Variants in ITGB3 observed in about 807,000 individuals in gnomAD.
The protein encoded by ITGB3 is integrin beta-3.
In ITGB3, 48 loss-of-function variants were observed where a neutral mutation model predicts 85.8. That is an observed-to-expected ratio of 0.56 (90% CI 0.44 to 0.71). The LOEUF is 0.71. ITGB3 is among the 30% of genes least tolerant of loss of function. The probability of loss-of-function intolerance (pLI) is 0.00; values close to 1 mark genes in which losing one functional copy is unlikely to be tolerated. For synonymous variants in ITGB3, 363 were observed against 395.6 expected (o/e 0.92, Z 0.98); for missense variants, 861 against 1,019.1 (o/e 0.84, Z 2.11).
chr17:47,284,723 A>C (rs760629908), intron 4 of ITGB3, 28 bp downstream of exon 4: 25 of 1,613,960 alleles, frequency 1.5e-5, no homozygotes, highest in Non-Finnish European at 1.9e-5. Flanking sequence ...ACGCCAGGAC[A>C]GCATCCTTTG....
At chr17:47,256,484 CA>C (rs397718321) in intron 1 of ITGB3, among the ~76,000 whole-genome samples, 2 of 149,252 alleles carry the variant, frequency 1.3e-5, no homozygotes, top group African/African-American at 4.9e-5. Context: ...CCCCCCCCCC[CA>C]ACCTCACAAA....
In ITGB3 at chr17:47,311,660, G is replaced by A. The variant is rs367812163; in HGVS notation, c.*1456G>A. On this transcript the variant is annotated 3_prime_UTR_variant, in exon 15 of 15. Transcript: ENST00000559488. ...CTCATGATAGAAGGCTATGGGGATA[G>A]ATGTGTGGACACATTGGACCTTTCC... The A allele has an allele frequency of 1.3e-5, 2 of 152,354 alleles. No individual in the cohort carries two copies. The highest frequency in any genetic ancestry group is 6.5e-5 in the Admixed American group (1 of 15,304). The allele number at this position is 152,354 out of a possible 1,614,324, so 9.4% of individuals were successfully genotyped here. A position where few individuals can be genotyped will look rare whatever the true frequency, so the allele number is the denominator to read the frequency against.
At chr17:47,254,185 C>T (rs2064979029) in intron 1 of ITGB3, among the ~76,000 whole-genome samples, 1 of 152,108 alleles carries the variant, frequency 6.6e-6, no homozygotes, top group African/African-American at 2.4e-5. Context: ...ATCAGCCAGG[C>T]TGAGCGCCTT....
In ITGB3 at chr17:47,311,318, T is replaced by A. The variant is rs1444812564; in HGVS notation, c.*1114T>A. 6.5e-6 allele frequency: 1 copy of A among 152,830 alleles called. No individual in the cohort carries two copies. Among genetic ancestry groups the A allele is most frequent in the Non-Finnish European group, 1.5e-5 (1 of 68,152 alleles). The allele number at this position is 152,830 out of a possible 1,614,324, so 9.5% of individuals were successfully genotyped here. On this transcript the variant is annotated 3_prime_UTR_variant, in exon 15 of 15. Coordinates refer to ENST00000559488, the MANE Select transcript of ITGB3 (RefSeq NM_000212.3). ...ATTATTCCCATGAGTTGGCTGGGAA[T>A]AAGTGCCAGGATGGAATGATGGGTC...
chr17:47,279,405 G>A (rs2065075347), intron 2 of ITGB3: 1 of 152,248 alleles, frequency 6.6e-6, no homozygotes. Context: ...AGTATGTTGA[G>A]GTCACTGCCT....
chr17:47,289,899 A>G (rs2065118675), intron 7 of ITGB3, 123 bp downstream of exon 7: 1 of 775,708 alleles, frequency 1.3e-6, no homozygotes. Flanking sequence ...TCCACTCCCC[A>G]GGAGCTAAAG....
At chr17:47,257,083 T>C (rs887764559) in intron 1 of ITGB3, among the ~76,000 whole-genome samples, 1 of 152,248 alleles carries the variant, frequency 6.6e-6, no homozygotes, top group Admixed American at 6.5e-5. Flanking sequence ...ATGATTATGC[T>C]GATTAAATGA....
Position 47,290,448 on chromosome 17 carries a change from A to AGAAGGAAG in ITGB3, c.1125+191_1125+198dup, listed in dbSNP as rs112290297. On this transcript the variant is annotated intron_variant, in intron 8 of 14. Coordinates refer to ENST00000559488, the MANE Select transcript of ITGB3 (RefSeq NM_000212.3). Reference sequence around the variant, plus strand: ...GCTCTAGAAGGGATGCAGCCTTCTGAGAAGGAAGGAAGGAAGGAAGGAAGA... The same window carrying AGAAGGAAG: ...GCTCTAGAAGGGATGCAGCCTTCTGAGAAGGAAGGAAGGAAGGAAGGAAGGAAGGAAGA... Among the ~76,000 whole-genome samples the AGAAGGAAG allele has an allele frequency of 0.022, 3,217 of 149,022 alleles. 163 individuals are homozygous for AGAAGGAAG. The East Asian group carries it at 0.22, about 10-fold the overall frequency.
chr17:47,279,444 G>A (rs2065075523), intron 2 of ITGB3: 2 of 152,310 alleles, frequency 1.3e-5, no homozygotes, highest in Non-Finnish European at 1.5e-5. Context: ...GAGGGCTCTC[G>A]TGGAGAGCTT....
In ITGB3 at chr17:47,312,449, A is replaced by C. The variant is rs1302170666; in HGVS notation, c.*2245A>C. On this transcript the variant is annotated 3_prime_UTR_variant, in exon 15 of 15. Coordinates refer to ENST00000559488, the MANE Select transcript of ITGB3 (RefSeq NM_000212.3). ...ATGGATCCAAGAAGTCCTTAGAAAT[A>C]GTGGCAGGGAACAGGTGTGGAAGCT... 2.0e-5 allele frequency among the ~76,000 whole-genome samples: 3 copies of C among 152,210 alleles called. No homozygotes were observed. Among genetic ancestry groups the C allele is most frequent in the East Asian group, 3.8e-4 (2 of 5,202 alleles).
rs1393664515 is a variant in ITGB3 at position 47,292,425 on chromosome 17, AG to A, written c.1550del (p.Gly517ValfsTer152). On this transcript the variant is annotated frameshift_variant, in exon 10 of 15. Transcript: ENST00000559488. LOFTEE classifies it high-confidence loss of function. ...PSQQDECSPR[E>X]GQPVCSQRGE... ...CAGCAGGACGAATGCAGCCCCCGGG[AG>A]GGTCAGCCCGTCTGCAGCCAGCGGG... is the stretch of plus-strand genomic sequence containing the variant. The A allele has an allele frequency of 6.2e-7, 1 of 1,610,700 alleles. No individual in the cohort carries two copies. The highest frequency in any genetic ancestry group is 8.5e-7 in the Non-Finnish European group (1 of 1,177,200).
At position 47,300,549 on chromosome 17, in the gene ITGB3, G is replaced by A. The variant is rs369443204; in HGVS notation, c.1985G>A (p.Arg662His). 25 of 1,613,920 alleles carry A rather than the reference G, an allele frequency of 1.5e-5. No individual in the cohort carries two copies. Among genetic ancestry groups the A allele is most frequent in the Middle Eastern group, 3.3e-4 (2 of 6,084 alleles). The change falls in exon 12 of 15, where the codon CGT becomes CAT. Residue 662 changes from arginine to histidine, a missense_variant. Physicochemically the swap from Arg to His is conservative, Grantham distance 29 (BLOSUM62 0). Transcript: ENST00000559488. ...GAAAATACCTGCAACCGTTACTGCC[G>A]TGACGAGATTGAGTCAGTGAAAGAG... ...HDENTCNRYC[R>H]DEIESVKELK...
chr17:47,259,516 A>C (rs755811600), intron 1 of ITGB3: 38 of 152,278 alleles, frequency 2.5e-4, no homozygotes, highest in Non-Finnish European at 4.9e-4. Flanking sequence ...TCAATTTCTT[A>C]GTTCAGTTAG....
At chr17:47,306,976 G>A (rs1473655930) in intron 13 of ITGB3, among the ~76,000 whole-genome samples, 2 of 152,024 alleles carry the variant, frequency 1.3e-5, no homozygotes, top group Non-Finnish European at 2.9e-5. Context: ...CACCACACTC[G>A]GCTTTTTATT....
intron 1 of ITGB3, among the ~76,000 whole-genome samples, chr17:47,258,009 C>A (rs1280542731): frequency 6.6e-6 from 1 of 152,158 alleles, no homozygotes; most frequent in Non-Finnish European, 1.5e-5. Flanking sequence ...GTTATCATCC[C>A]CTCCCAGTCC....
chr17:47,253,961 G>A, intron 1 of ITGB3, 21 bp downstream of exon 1: 3 of 1,375,720 alleles, frequency 2.2e-6, no homozygotes, highest in South Asian at 1.5e-5. Context: ...CTCCGGCTCG[G>A]CAGCGTCGCA....
chr17:47,264,164 G>A (rs2065018046), intron 1 of ITGB3, among the ~76,000 whole-genome samples: 1 of 152,176 alleles, frequency 6.6e-6, no homozygotes, highest in South Asian at 2.1e-4. Context: ...GGTTAGCTCT[G>A]GAGGTCCCAA....
Position 47,286,459 on chromosome 17 carries a change from G to C in ITGB3, c.777+37G>C, listed in dbSNP as rs151150440. On this transcript the variant is annotated intron_variant, in intron 5 of 14. Transcript: ENST00000559488. ...GGACTTGGAGTGCCAGGTGTGGCTGGCATAGATCAAAATGGGAAAGGAAGT... is the reference window on the plus strand; with the variant it reads ...GGACTTGGAGTGCCAGGTGTGGCTGCCATAGATCAAAATGGGAAAGGAAGT... 6.1e-4 allele frequency: 976 copies of C among 1,612,964 alleles called. 8 individuals are homozygous for C. In the African/African-American group the frequency reaches 0.012, roughly 20 times the overall value.
intron 1 of ITGB3, among the ~76,000 whole-genome samples, chr17:47,266,953 G>A (rs558749070): frequency 6.6e-6 from 1 of 152,196 alleles, no homozygotes; most frequent in African/African-American, 2.4e-5. Flanking sequence ...GATACTTTCT[G>A]GCTCCACGCT....
Sources: allele counts gnomAD v4.1 joint callset (sites outside exome capture counted in the v4.1 genomes callset), GRCh38; gene constraint gnomAD v4.1.1; transcripts MANE v1.5; gene names NCBI Gene and HGNC (gene_info 2026-07-23, HGNC 2026-07-21).